RIPOR2: variants seen among roughly 807,000 people sequenced by gnomAD.
RIPOR2 encodes the protein rho family-interacting cell polarization regulator 2.
RIPOR2 carries 39 observed loss-of-function variants against 114.5 expected under a neutral mutation model. The ratio of observed to expected loss-of-function variants is 0.34; its 90% CI spans 0.26 to 0.44. The LOEUF is 0.44. RIPOR2 is among the 20% of genes least tolerant of loss of function. RIPOR2 has a pLI of 1.00. For synonymous variants in RIPOR2, 445 were observed against 484.4 expected (o/e 0.92, Z 1.07); for missense variants, 1,007 against 1,255.1 (o/e 0.80, Z 2.99).
At position 24,848,084 on chromosome 6, in the gene RIPOR2, T is replaced by C; in HGVS notation, c.1105A>G (p.Met369Val). Residue 369 changes from methionine (M) to valine (V), a missense_variant, in exon 12 of 22, where the codon ATG becomes GTG. Met to Val is a conservative substitution (Grantham distance 21, BLOSUM62 1). Coordinates refer to ENST00000643898, the MANE Select transcript of RIPOR2 (RefSeq NM_001286445.3). ...GGGGTACCCTGGCTGTACATGGACA[T>C]TCTCCTCTGAAGGGCTGCTGCCTTG... ...GNKAAALQRR[M>V]SMYSQGTPET... 6.2e-7 allele frequency: 1 copy of C among 1,613,918 alleles called. No homozygotes were observed. Among genetic ancestry groups the C allele is most frequent in the Non-Finnish European group, 8.5e-7 (1 of 1,179,848 alleles).
Position 24,906,030 on chromosome 6 carries a change from G to T in RIPOR2, c.61+29808C>A, listed in dbSNP as rs1252853706. Among the ~76,000 whole-genome samples the T allele has an allele frequency of 2.0e-5, 3 of 152,168 alleles. No individual in the cohort carries two copies. In the East Asian group the frequency reaches 5.8e-4, roughly 29 times the overall value. On this transcript the variant is annotated intron_variant, in intron 1 of 21. Coordinates refer to ENST00000643898, the MANE Select transcript of RIPOR2 (RefSeq NM_001286445.3). ...AGGCAAATACAAGAAAGAATTAAAA[G>T]ACACTGTTGTTTTTCAGTACATAAG...
chr6:24,951,823 T>G (rs938283744), intron 1 of RIPOR2, among the ~76,000 whole-genome samples: 5 of 152,172 alleles, frequency 3.3e-5, no homozygotes, highest in Non-Finnish European at 5.9e-5. Context: ...GCAGCAATAT[T>G]TAGTTCTCCT....
intron 1 of RIPOR2, among the ~76,000 whole-genome samples, chr6:25,020,005 T>C (rs952199717): frequency 3.8e-4 from 57 of 151,988 alleles, no homozygotes; most frequent in African/African-American, 1.3e-3. Flanking sequence ...AACAAAAGAC[T>C]AGGAAGTCAT....
chr6:24,828,364 A>C, intron 17 of RIPOR2, 69 bp from the exon 18 acceptor site: 1 of 1,202,220 alleles, frequency 8.3e-7, no homozygotes. Context: ...TCATTCAATA[A>C]TTTTTATTTT....
At chr6:24,902,077 G>A (rs1309333911) in intron 1 of RIPOR2, among the ~76,000 whole-genome samples, 2 of 152,218 alleles carry the variant, frequency 1.3e-5, no homozygotes, top group Non-Finnish European at 2.9e-5. Context: ...GGCCTGTGCA[G>A]AAGAGAAGCG....
At chr6:24,999,793 T>C (rs1377097372) in intron 1 of RIPOR2, among the ~76,000 whole-genome samples, 1 of 152,084 alleles carries the variant, frequency 6.6e-6, no homozygotes, top group Non-Finnish European at 1.5e-5. Flanking sequence ...CCTGGCCTCC[T>C]GATCCACCTG....
chr6:24,920,689 T>A (rs1334541576), intron 1 of RIPOR2, among the ~76,000 whole-genome samples: 1 of 152,230 alleles, frequency 6.6e-6, no homozygotes, highest in African/African-American at 2.4e-5. Context: ...TGGGACTTCA[T>A]GAAGTCATCC....
chr6:25,005,819 C>T (rs1775541386), intron 1 of RIPOR2, among the ~76,000 whole-genome samples: 1 of 148,520 alleles, frequency 6.7e-6, no homozygotes, highest in South Asian at 2.1e-4. Context: ...TTCATGATCA[C>T]TGAGCTCTGG....
intron 1 of RIPOR2, among the ~76,000 whole-genome samples, chr6:25,004,010 A>T (rs1345844181): frequency 1.3e-5 from 2 of 152,200 alleles, no homozygotes; most frequent in East Asian, 1.9e-4. Flanking sequence ...TATGTCCTAA[A>T]CACACAATAG....
chr6:24,842,274 A>G (rs1761793785), intron 13 of RIPOR2, among the ~76,000 whole-genome samples: 1 of 151,580 alleles, frequency 6.6e-6, no homozygotes, highest in South Asian at 2.1e-4. Context: ...TTACCCTCCC[A>G]CCTCCATCCT....
intron 7 of RIPOR2, among the ~76,000 whole-genome samples, chr6:24,863,107 C>A (rs1410420423): frequency 2.0e-5 from 3 of 152,046 alleles, no homozygotes; most frequent in African/African-American, 7.2e-5. Context: ...TGCCCGCCAC[C>A]ACGCCCGGCT....
intron 1 of RIPOR2, among the ~76,000 whole-genome samples, chr6:24,960,950 C>T (rs400010): frequency 0.8 from 121,038 of 152,188 alleles, 51,687 homozygotes; most frequent in East Asian, 0.96. Flanking sequence ...AGCAGAAAAA[C>T]GGGTGTTGGT....
At chr6:24,834,050 C>T (rs76108599) in intron 15 of RIPOR2, among the ~76,000 whole-genome samples, 3,981 of 151,628 alleles carry the variant, frequency 0.026, 159 homozygotes, top group African/African-American at 0.084. Flanking sequence ...AGAAAATAGT[C>T]ATACATAAAT....
intron 1 of RIPOR2, among the ~76,000 whole-genome samples, chr6:24,989,092 T>G (rs1336965668): frequency 6.6e-6 from 1 of 152,190 alleles, no homozygotes; most frequent in Non-Finnish European, 1.5e-5. Flanking sequence ...TTGTTGAAGT[T>G]TATGCTATTG....
intron 1 of RIPOR2, among the ~76,000 whole-genome samples, chr6:24,970,981 T>C (rs1773765669): frequency 6.6e-6 from 1 of 152,248 alleles, no homozygotes; most frequent in South Asian, 2.1e-4. Context: ...GTGACAGAAA[T>C]AAATGAGATA....
chr6:24,905,557 A>G (rs975985556), intron 1 of RIPOR2, among the ~76,000 whole-genome samples: 2 of 152,264 alleles, frequency 1.3e-5, no homozygotes, highest in Non-Finnish European at 2.9e-5. Flanking sequence ...TCTGCATATC[A>G]GCAGGGCACC....
At chr6:24,848,887 A>C (rs1562258298) in intron 11 of RIPOR2, among the ~76,000 whole-genome samples, 1 of 152,154 alleles carries the variant, frequency 6.6e-6, no homozygotes, top group African/African-American at 2.4e-5. Flanking sequence ...CATTACATTA[A>C]ATGTTGTGAA....
intron 7 of RIPOR2, 75 bp downstream of exon 7, chr6:24,865,226 T>A: frequency 7.6e-7 from 1 of 1,320,168 alleles, no homozygotes; most frequent in Non-Finnish European, 1.0e-6. Flanking sequence ...CTGTTTGCCT[T>A]GTTCTTGGCA....
intron 1 of RIPOR2, among the ~76,000 whole-genome samples, chr6:25,040,683 C>T (rs1246178088): frequency 6.6e-6 from 1 of 151,122 alleles, no homozygotes; most frequent in East Asian, 2.0e-4. Context: ...ACCTCCACCT[C>T]CTGGGTTCAA....
Sources: gnomAD v4.1 joint callset for allele counts (sites outside exome capture counted in the v4.1 genomes callset) on GRCh38, gnomAD v4.1.1 for gene constraint, MANE v1.5 for transcripts, NCBI Gene and HGNC (gene_info 2026-07-23, HGNC 2026-07-21) for gene names.